The following APOBEC1 variants were observed in gnomAD, a reference collection of about 807,000 sequenced individuals.
APOBEC1 encodes C->U-editing enzyme APOBEC-1.
In APOBEC1, 22 loss-of-function variants were observed where a neutral mutation model predicts 26.3. That is an observed-to-expected ratio of 0.84 (90% CI 0.60 to 1.19). The LOEUF is 1.19. APOBEC1 is among the 50% of genes most tolerant of loss of function. APOBEC1 has a pLI of 0.00. For synonymous variants in APOBEC1, 77 were observed against 95.3 expected (o/e 0.81, Z 1.12); for missense variants, 253 against 289.0 (o/e 0.88, Z 0.90).
rs1163730869 is a variant in APOBEC1, at chr12:7,659,294, CAAAAAAAAAAAA to C, written c.17-4674_17-4663del. On this transcript the variant is annotated intron_variant, in intron 1 of 4. Transcript: ENST00000229304. ...GGGCAACAAGAGTGAAACTCCCTCTCAAAAAAAAAAAAAAAAAAAAAAAAAAAAATATATATA... is the reference window on the plus strand; with the variant it reads ...GGGCAACAAGAGTGAAACTCCCTCTCAAAAAAAAAAAAAAAAATATATATA... Among the ~76,000 whole-genome samples, 94 of 16,526 alleles carry C rather than the reference CAAAAAAAAAAAA, an allele frequency of 5.7e-3. 2 individuals carry two copies. The highest frequency in any genetic ancestry group is 0.021 in the African/African-American group (89 of 4,180). The allele number at this position is 16,526 out of a possible 152,430, so 10.8% of individuals were successfully genotyped here.
intron 2 of APOBEC1, among the ~76,000 whole-genome samples, chr12:7,653,489 CTTTTTT>C (rs57508175): frequency 3.4e-5 from 4 of 116,200 alleles, no homozygotes; most frequent in African/African-American, 6.4e-5. Context: ...TATTCTAACC[CTTTTTT>C]TTTTTTTTTT....
upstream of APOBEC1, among the ~76,000 whole-genome samples, chr12:7,668,645 T>A (rs1232031914): frequency 3.3e-5 from 5 of 152,210 alleles, no homozygotes; most frequent in Admixed American, 6.5e-5. Context: ...TGAAAATTTA[T>A]GAATTTTGAA....
chr12:7,652,142 G>A (rs973972738), intron 3 of APOBEC1, among the ~76,000 whole-genome samples: 1 of 152,016 alleles, frequency 6.6e-6, no homozygotes, highest in Admixed American at 6.6e-5. Flanking sequence ...ATTTTTTTTA[G>A]AGATGGGGTC....
intron 1 of APOBEC1, among the ~76,000 whole-genome samples, chr12:7,660,351 G>A (rs56219436): frequency 1.7e-4 from 3 of 17,314 alleles, no homozygotes; most frequent in Non-Finnish European, 9.2e-4. Context: ...AAGGAAGGAA[G>A]GAAGGAAGGA....
At position 7,665,881 on chromosome 12, in the gene APOBEC1, GTC is replaced by G. The variant is rs748251423; in HGVS notation, c.-11_-10del. On this transcript the variant is annotated 5_prime_UTR_variant, in exon 1 of 5. Coordinates refer to ENST00000229304, the MANE Select transcript of APOBEC1 (RefSeq NM_001644.5). ...CCTTTCTCAGAAGTCATGGTGCTCTGTCTCTGGACTTCCTCCTCTGGAGTCAT... is the reference window on the plus strand; with the variant it reads ...CCTTTCTCAGAAGTCATGGTGCTCTGTCTGGACTTCCTCCTCTGGAGTCAT... 2 of 1,612,860 alleles carry G rather than the reference GTC, an allele frequency of 1.2e-6. No individual in the cohort carries two copies. The highest frequency in any genetic ancestry group is 1.7e-6 in the Non-Finnish European group (2 of 1,179,708).
upstream of APOBEC1, among the ~76,000 whole-genome samples, chr12:7,670,070 T>G (rs6488570): frequency 0.098 from 12,011 of 122,554 alleles, 880 homozygotes; most frequent in African/African-American, 0.11. Context: ...TGCAACCTCC[T>G]CCTCCCGGGT....
intron 1 of APOBEC1, among the ~76,000 whole-genome samples, chr12:7,664,010 C>T (rs1305192788): frequency 1.3e-5 from 2 of 151,988 alleles, no homozygotes; most frequent in Non-Finnish European, 1.5e-5. Flanking sequence ...CATGTGCTAC[C>T]GTGCCCAGCT....
upstream of APOBEC1, among the ~76,000 whole-genome samples, chr12:7,669,253 C>T (rs1280895402): frequency 5.6e-5 from 8 of 143,718 alleles, no homozygotes; most frequent in Non-Finnish European, 9.1e-5. Flanking sequence ...TTAGTAGAGA[C>T]GGGGTTTCAC....
intron 1 of APOBEC1, among the ~76,000 whole-genome samples, chr12:7,660,410 A>AAGAGAG (rs1555094956): frequency 1.2e-5 from 1 of 84,294 alleles, no homozygotes; most frequent in African/African-American, 4.6e-5. Flanking sequence ...GAAAGAAAGA[A>AAGAGAG]AGAGAGGGTA....
intron 1 of APOBEC1, among the ~76,000 whole-genome samples, chr12:7,657,043 CGTGTGTGTGTGT>C (rs6144603): frequency 0.45 from 67,399 of 148,692 alleles, 16,922 homozygotes; most frequent in Middle Eastern, 0.59. Flanking sequence ...GTTGTATATA[CGTGTGTGTGTGT>C]GTGTGTGTGT....
At chr12:7,657,848 C>G (rs1363568781) in intron 1 of APOBEC1, among the ~76,000 whole-genome samples, 1 of 151,872 alleles carries the variant, frequency 6.6e-6, no homozygotes, top group African/African-American at 2.4e-5. Flanking sequence ...TGCACTCCAG[C>G]AGGGGCAAGA....
At chr12:7,650,648 G>A (rs993796517) in intron 4 of APOBEC1, among the ~76,000 whole-genome samples, 10 of 152,058 alleles carry the variant, frequency 6.6e-5, no homozygotes, top group Non-Finnish European at 1.2e-4. Context: ...TGGCCAGGCT[G>A]GTCTCAGACT....
intron 1 of APOBEC1, among the ~76,000 whole-genome samples, chr12:7,656,253 G>A (rs76936990): frequency 0.054 from 8,247 of 152,124 alleles, 891 homozygotes; most frequent in East Asian, 0.37. Flanking sequence ...TTACTCCATG[G>A]TTATGAAATC....
intron 1 of APOBEC1, among the ~76,000 whole-genome samples, chr12:7,661,138 G>A (rs1478322854): frequency 1.3e-5 from 2 of 151,344 alleles, no homozygotes; most frequent in African/African-American, 2.4e-5. Context: ...CCCGGGAGGC[G>A]GAGCTTGCAG....
At position 7,651,034 on chromosome 12, in the gene APOBEC1, A is replaced by G; in HGVS notation, c.550T>C (p.Cys184Arg). The G allele has an allele frequency of 6.2e-7, 1 of 1,610,132 alleles. No homozygotes were observed. The stretch of plus-strand genomic sequence containing the variant: ...CTAAAGTGACTTACTAGAATTATGC[A>G]GTGCAGCTCCAGTGCGTACAACATC... ...WMMLYALELH[C>R]IILSLPPCLK... is the part of the protein sequence containing the mutation. The change falls in exon 4 of 5, where the codon TGC becomes CGC. Residue 184 changes from cysteine to arginine, a missense_variant. Coordinates refer to ENST00000229304, the MANE Select transcript of APOBEC1 (RefSeq NM_001644.5).
At chr12:7,656,718 A>T (rs1863719572) in intron 1 of APOBEC1, among the ~76,000 whole-genome samples, 2 of 152,182 alleles carry the variant, frequency 1.3e-5, no homozygotes, top group Non-Finnish European at 2.9e-5. Context: ...TGCCTATTCC[A>T]CAAGGTTGTC....
chr12:7,666,541 C>T (rs1311775713), upstream of APOBEC1, among the ~76,000 whole-genome samples: 1 of 152,028 alleles, frequency 6.6e-6, no homozygotes, highest in Non-Finnish European at 1.5e-5. Context: ...GTGATCCACC[C>T]GCCTCGTCCT....
chr12:7,655,080 G>T (rs1435979668), intron 1 of APOBEC1, among the ~76,000 whole-genome samples: 1 of 152,148 alleles, frequency 6.6e-6, no homozygotes. Context: ...GTGATTGCGG[G>T]CACCTATAAT....
chr12:7,670,181 A>G (rs1266082398), upstream of APOBEC1, among the ~76,000 whole-genome samples: 2 of 137,660 alleles, frequency 1.5e-5, no homozygotes, highest in Admixed American at 1.5e-4. Flanking sequence ...ATGGGGTTTC[A>G]TCATGTTGGT....
Sources: allele counts gnomAD v4.1 joint callset (sites outside exome capture counted in the v4.1 genomes callset), GRCh38; gene constraint gnomAD v4.1.1; transcripts MANE v1.5; gene names NCBI Gene and HGNC (gene_info 2026-07-23, HGNC 2026-07-21).